Variants in BIN1 observed in about 807,000 individuals in gnomAD.
BIN1 encodes the protein bridging integrator 1.
In BIN1, 53 loss-of-function variants were observed where a neutral mutation model predicts 82.0. That is an observed-to-expected ratio of 0.65 (90% CI 0.52 to 0.81). The LOEUF (loss-of-function observed/expected upper bound fraction) is 0.81. BIN1 is among the 40% of genes least tolerant of loss of function. The probability of loss-of-function intolerance (pLI) is 0.00; values close to 1 mark genes in which losing one functional copy is unlikely to be tolerated. For missense variants in BIN1, 642 were observed against 784.4 expected, an observed-to-expected ratio of 0.82 and a Z score of 2.17; for synonymous variants, 302 against 328.0, an observed-to-expected ratio of 0.92 and a Z score of 0.86.
intron 11 of BIN1, among the ~76,000 whole-genome samples, chr2:127,058,019 C>G (rs1039749058): frequency 1.3e-5 from 2 of 152,170 alleles, no homozygotes; most frequent in African/African-American, 4.8e-5. Flanking sequence ...CCCCTGCCCA[C>G]CTCTCCCTTC....
chr2:127,068,115 G>A lies in BIN1; in HGVS notation c.612+48C>T, dbSNP rs766189804. ...CCACCGCAGGGCGAGAGGACAGGAC[G>A]ACAGACCGGAAGGCGCCAGCACGTG... On this transcript the variant is annotated intron_variant, in intron 7 of 18. Transcript: ENST00000316724. This position sits in a 1 kb window ranked among gnomAD's most constrained non-coding sequence, Gnocchi z 4.9. 1.3e-5 allele frequency: 21 copies of A among 1,572,016 alleles called. No homozygotes were observed. Among genetic ancestry groups the A allele is most frequent in the Admixed American group, 8.8e-5 (5 of 56,706 alleles).
At chr2:127,077,730 C>A (rs1304586415) in intron 1 of BIN1, among the ~76,000 whole-genome samples, 4 of 151,992 alleles carry the variant, frequency 2.6e-5, no homozygotes, top group Non-Finnish European at 5.9e-5. Flanking sequence ...ATGAGGAGTG[C>A]CAGATGGGTT....
intron 4 of BIN1, 86 bp downstream of exon 4, chr2:127,070,467 T>C: frequency 1.3e-6 from 2 of 1,510,908 alleles, no homozygotes; most frequent in Non-Finnish European, 1.8e-6. Context: ...CCAGAGAGGC[T>C]TGTCCCAGAG....
intron 1 of BIN1, among the ~76,000 whole-genome samples, chr2:127,098,186 A>C (rs1386470542): frequency 6.6e-6 from 1 of 152,198 alleles, no homozygotes; most frequent in East Asian, 1.9e-4. Flanking sequence ...TAAGAAGTTG[A>C]CCCACAAAAC....
Position 127,050,465 on chromosome 2 carries a change from C to T in BIN1, c.1630G>A (p.Gly544Ser). The change falls in exon 18 of 19, where the codon GGT becomes AGT. Residue 544 changes from glycine to serine, a missense_variant. Coordinates refer to ENST00000316724, the MANE Select transcript of BIN1 (RefSeq NM_139343.3). ...TDTDELQLKAGDVVLVIPFQN... is the reference protein window; with the variant it reads ...TDTDELQLKASDVVLVIPFQN... ...AAGGGGATCACCAGCACCACATCAC[C>T]AGCCTTGAGCTGCAGCTCGTCTGTG... 1 of 1,614,248 alleles carries T rather than the reference C, an allele frequency of 6.2e-7. No individual in the cohort carries two copies. Among genetic ancestry groups the T allele is most frequent in the Non-Finnish European group, 8.5e-7 (1 of 1,180,036 alleles).
chr2:127,059,854 A>AGGT lies in BIN1; in HGVS notation c.858-702_858-700dup, dbSNP rs1425928736. 6.6e-6 allele frequency among the ~76,000 whole-genome samples: 1 copy of AGGT among 152,212 alleles called. No homozygotes were observed. The highest frequency in any genetic ancestry group is 1.5e-5 in the Non-Finnish European group (1 of 68,032). ...CTGTGCACCCCAGGCACAGGGGCGA[A>AGGT]GGTGCAGGGAGAAAATTCTCTACCA... On this transcript the variant is annotated intron_variant, in intron 10 of 18. Transcript: ENST00000316724. This position sits in a 1 kb window ranked among gnomAD's most constrained non-coding sequence, Gnocchi z 6.7.
intron 1 of BIN1, among the ~76,000 whole-genome samples, chr2:127,098,410 G>C (rs1679877050): frequency 1.3e-5 from 2 of 152,196 alleles, no homozygotes; most frequent in Admixed American, 6.5e-5. Context: ...TCACACAGCA[G>C]AGGGGAGATG....
intron 2 of BIN1, among the ~76,000 whole-genome samples, chr2:127,071,115 G>A (rs926471200): frequency 2.6e-5 from 4 of 152,050 alleles, no homozygotes; most frequent in Non-Finnish European, 5.9e-5. Flanking sequence ...CTGGAGGTAC[G>A]GCTGAATGAC....
At position 127,068,489 on chromosome 2, in the gene BIN1, A is replaced by G. The variant is rs1685445651; in HGVS notation, c.520-234T>C. ...GCGTGGTTAGCAGCACAGGGGGCCC[A>G]GCAAGCACGGCCCTGCCCGGAGGAC... On this transcript the variant is annotated intron_variant, in intron 6 of 18. Transcript: ENST00000316724. This position sits in a 1 kb window ranked among gnomAD's most constrained non-coding sequence, Gnocchi z 4.9. 6.6e-6 allele frequency among the ~76,000 whole-genome samples: 1 copy of G among 152,170 alleles called. No individual in the cohort carries two copies. The highest frequency in any genetic ancestry group is 1.5e-5 in the Non-Finnish European group (1 of 68,010).
At position 127,059,323 on chromosome 2, in the gene BIN1, G is replaced by T. The variant is rs1454081141; in HGVS notation, c.858-168C>A. Among the ~76,000 whole-genome samples the T allele has an allele frequency of 6.8e-6, 1 of 147,694 alleles. No homozygotes were observed. Among genetic ancestry groups the T allele is most frequent in the Non-Finnish European group, 1.5e-5 (1 of 66,728 alleles). On this transcript the variant is annotated intron_variant, in intron 10 of 18. Coordinates refer to ENST00000316724, the MANE Select transcript of BIN1 (RefSeq NM_139343.3). This position sits in a 1 kb window ranked among gnomAD's most constrained non-coding sequence, Gnocchi z 6.7. ...GAGAGAGAGCAGGAGGGTGGGGGGA[G>T]CCAAGGGACCTGGGCTTGGGGGGCT...
chr2:127,062,011 C>T, intron 10 of BIN1, 104 bp downstream of exon 10: 1 of 1,379,368 alleles, frequency 7.2e-7, no homozygotes, highest in Non-Finnish European at 9.9e-7. Flanking sequence ...ACCCCCAAGG[C>T]CAAACCCATG....
chr2:127,101,898 A>C (rs1445674520), intron 1 of BIN1, among the ~76,000 whole-genome samples: 12 of 152,202 alleles, frequency 7.9e-5, no homozygotes, highest in South Asian at 2.1e-4. Flanking sequence ...CTGTCTATAG[A>C]GGCCTGTAAT....
At chr2:127,052,501 C>T (rs888903967) in intron 14 of BIN1, 139 bp from the exon 15 acceptor site, 42 of 736,348 alleles carry the variant, frequency 5.7e-5, no homozygotes, top group Non-Finnish European at 8.5e-5. Flanking sequence ...CAGCGGAGCC[C>T]GGCCAGCCAC....
intron 1 of BIN1, among the ~76,000 whole-genome samples, chr2:127,095,318 C>T (rs1442779611): frequency 1.3e-5 from 2 of 152,190 alleles, no homozygotes; most frequent in African/African-American, 4.8e-5. Context: ...CAGCTTCATT[C>T]AAATCTGATC....
intron 1 of BIN1, among the ~76,000 whole-genome samples, chr2:127,101,076 C>G (rs1680290876): frequency 6.7e-6 from 1 of 148,862 alleles, no homozygotes; most frequent in Non-Finnish European, 1.5e-5. Flanking sequence ...GCATGAGAAT[C>G]TTACAAGTGG....
chr2:127,101,045 C>T (rs185498588), intron 1 of BIN1, among the ~76,000 whole-genome samples: 2 of 141,906 alleles, frequency 1.4e-5, no homozygotes, highest in Admixed American at 7.4e-5. Context: ...AGCTTTCTAC[C>T]GCACCCAGAG....
intron 1 of BIN1, among the ~76,000 whole-genome samples, chr2:127,102,396 G>A (rs74609165): frequency 2.0e-5 from 3 of 152,154 alleles, no homozygotes; most frequent in Non-Finnish European, 4.4e-5. Flanking sequence ...GAATCCTTGC[G>A]ATCCATAGAT....
At chr2:127,088,198 G>A (rs774080285) in intron 1 of BIN1, among the ~76,000 whole-genome samples, 8 of 152,210 alleles carry the variant, frequency 5.3e-5, no homozygotes, top group Non-Finnish European at 1.0e-4. Flanking sequence ...TTCCTTGAGA[G>A]GGGTGCCAAG....
Position 127,068,048 on chromosome 2 carries a change from A to G in BIN1, c.612+115T>C. ...AGAGCTCTCCCAGCAGAGGCCTTTGAAAAACCCTGCCCCAGCTGGGCTCAG... is the reference window on the plus strand; with the variant it reads ...AGAGCTCTCCCAGCAGAGGCCTTTGGAAAACCCTGCCCCAGCTGGGCTCAG... On this transcript the variant is annotated intron_variant, in intron 7 of 18. Transcript: ENST00000316724. The surrounding 1 kb of genome is among the most constrained non-coding windows in gnomAD (Gnocchi z 4.9). 1.8e-6 allele frequency: 2 copies of G among 1,123,800 alleles called. No homozygotes were observed. Among genetic ancestry groups the G allele is most frequent in the Non-Finnish European group, 2.6e-6 (2 of 764,306 alleles). The allele number at this position is 1,123,800 out of a possible 1,614,324, so 69.6% of individuals were successfully genotyped here.
Sources: gnomAD v4.1 joint callset for allele counts (sites outside exome capture counted in the v4.1 genomes callset) on GRCh38, gnomAD v4.1.1 for gene constraint, Gnocchi (gnomAD v3.1) non-coding constraint, MANE v1.5 for transcripts, NCBI Gene and HGNC (gene_info 2026-07-23, HGNC 2026-07-21) for gene names.